SCARB1: variants seen among roughly 807,000 people sequenced by gnomAD.
The protein encoded by SCARB1 is scavenger receptor class B member 1.
A neutral mutation model predicts 57.2 loss-of-function variants in SCARB1; 30 were observed. The ratio of observed to expected loss-of-function variants is 0.52; its 90% confidence interval spans 0.39 to 0.71. The LOEUF is 0.71. Among genes scored for constraint, SCARB1 ranks in the 30% least tolerant of loss-of-function variants. The pLI is 0.00. For synonymous variants in SCARB1, 249 were observed against 268.3 expected (o/e 0.93, Z 0.70); for missense variants, 543 against 671.2 (o/e 0.81, Z 2.11).
In SCARB1 at chr12:124,863,595, CT is replaced by C; in HGVS notation, c.125del (p.Lys42ArgfsTer32). On this transcript the variant is annotated frameshift_variant and splice_region_variant, in exon 1 of 13. Transcript: ENST00000261693. LOFTEE classifies it high-confidence loss of function. Reference protein sequence around the residue: ...VPSLIKQQVLKNVRIDPSSLS... With the variant: ...VPSLIKQQVLXNVRIDPSSLS... ...ACCCCCTGGGGTCTCCCTCACCCAC[CT>C]TAAGGACCTGCTGCTTGATGAGCGA... 1 of 1,603,176 alleles carries C rather than the reference CT, an allele frequency of 6.2e-7. No individual in the cohort carries two copies.
In SCARB1 at chr12:124,817,837, G is replaced by A. The variant is rs1950804388; in HGVS notation, c.127-130C>T. The A allele has an allele frequency of 1.0e-6, 1 of 975,964 alleles. No individual in the cohort carries two copies. Among genetic ancestry groups the A allele is most frequent in the Admixed American group, 1.7e-5 (1 of 58,130 alleles). 60.5% of individuals were successfully genotyped at this position (975,964 alleles called of 1,614,324 possible). A position where few individuals can be genotyped will look rare whatever the true frequency, so the allele number is the denominator to read the frequency against. On this transcript the variant is annotated intron_variant, in intron 1 of 12. Coordinates refer to ENST00000261693, the MANE Select transcript of SCARB1 (RefSeq NM_005505.5). This position sits in a 1 kb window ranked among gnomAD's most constrained non-coding sequence, Gnocchi z 4.8. ...CCTCGGCGGGAGCTTGGGATAGGAGGTGGTGGGAAAGCCCTTCGCACATGA... is the reference window on the plus strand; with the variant it reads ...CCTCGGCGGGAGCTTGGGATAGGAGATGGTGGGAAAGCCCTTCGCACATGA...
chr12:124,809,599 C>T (rs1302316584), intron 6 of SCARB1, among the ~76,000 whole-genome samples: 1 of 152,190 alleles, frequency 6.6e-6, no homozygotes, highest in Non-Finnish European at 1.5e-5. Flanking sequence ...GGGCACCTGG[C>T]ACACAGTAGG....
At chr12:124,794,156 G>A (rs1949840450) in intron 9 of SCARB1, among the ~76,000 whole-genome samples, 1 of 152,190 alleles carries the variant, frequency 6.6e-6, no homozygotes, top group African/African-American at 2.4e-5. Flanking sequence ...AGGGAAGTGA[G>A]TGTTAATGAG....
intron 9 of SCARB1, 124 bp from the exon 10 acceptor site, chr12:124,787,581 CA>C: frequency 1.3e-6 from 1 of 786,094 alleles, no homozygotes; most frequent in Non-Finnish European, 2.1e-6. Flanking sequence ...CCCTCACCAC[CA>C]AATATAAACA....
intron 12 of SCARB1, among the ~76,000 whole-genome samples, chr12:124,781,234 C>T (rs540143586): frequency 4.6e-5 from 7 of 152,340 alleles, no homozygotes; most frequent in African/African-American, 1.7e-4. Context: ...TTTTTCATCT[C>T]CTTGTCCAGC....
intron 1 of SCARB1, among the ~76,000 whole-genome samples, chr12:124,854,424 G>T (rs1194415936): frequency 2.0e-5 from 3 of 152,212 alleles, no homozygotes; most frequent in African/African-American, 4.8e-5. Context: ...TAGGGGACGG[G>T]TCTGGCCATG....
chr12:124,810,214 G>T lies in SCARB1; in HGVS notation c.802C>A (p.Pro268Thr). 1 of 1,614,132 alleles carries T rather than the reference G, an allele frequency of 6.2e-7. No homozygotes were observed. Among genetic ancestry groups the T allele is most frequent in the Non-Finnish European group, 8.5e-7 (1 of 1,179,960 alleles). ...SGQMWPPFMT[P>T]ESSLEFYSPE... ...CTGTAGAACTCCAGCGAGGACTCAG[G>T]AGTCATGAAGGGCGGCCACATTTGC... The change falls in exon 6 of 13, where the codon CCT becomes ACT. Residue 268 changes from proline (P) to threonine (T), a missense_variant. By Grantham distance (38) the Pro-to-Thr change is conservative. Coordinates refer to ENST00000261693, the MANE Select transcript of SCARB1 (RefSeq NM_005505.5). The surrounding 1 kb of genome is among the most constrained non-coding windows in gnomAD (Gnocchi z 4.0).
Position 124,820,857 on chromosome 12 carries a change from C to T in SCARB1, c.127-3150G>A, listed in dbSNP as rs565162791. Among the ~76,000 whole-genome samples the T allele has an allele frequency of 1.2e-4, 18 of 152,298 alleles. No homozygotes were observed. In the East Asian group the frequency reaches 3.1e-3, roughly 26 times the overall value. On this transcript the variant is annotated intron_variant, in intron 1 of 12. Transcript: ENST00000261693. The stretch of plus-strand genomic sequence containing the variant: ...ACCTGGATCTCAGGGGCGGGTTTCC[C>T]GGTGTGCACACACCAGCCCATCAAA...
intron 1 of SCARB1, among the ~76,000 whole-genome samples, chr12:124,846,764 A>T (rs1952175025): frequency 7.0e-6 from 1 of 142,320 alleles, no homozygotes. Flanking sequence ...AAAAAGACAG[A>T]TGAACTGTGA....
intron 1 of SCARB1, among the ~76,000 whole-genome samples, chr12:124,855,900 G>A (rs1952604174): frequency 6.6e-6 from 1 of 152,200 alleles, no homozygotes; most frequent in South Asian, 2.1e-4. Flanking sequence ...TCGCCACTGG[G>A]GCCAAGACTC....
intron 1 of SCARB1, among the ~76,000 whole-genome samples, chr12:124,858,847 C>G (rs1249102992): frequency 5.9e-5 from 9 of 151,754 alleles, no homozygotes; most frequent in African/African-American, 1.9e-4. Context: ...CCACTGCACT[C>G]CAGCCTGGGC....
In SCARB1 at chr12:124,793,546, A is replaced by G. The variant is rs186271761; in HGVS notation, c.1202+1649T>C. On this transcript the variant is annotated intron_variant, in intron 9 of 12. Coordinates refer to ENST00000261693, the MANE Select transcript of SCARB1 (RefSeq NM_005505.5). Reference sequence around the variant, plus strand: ...GTATCTACTAAAAATACAAAAAATTAGCCGGGCACGGTGGCGGGCGCCTGT... The same window carrying G: ...GTATCTACTAAAAATACAAAAAATTGGCCGGGCACGGTGGCGGGCGCCTGT... Among the ~76,000 whole-genome samples the G allele has an allele frequency of 6.0e-3, 913 of 152,052 alleles. 9 individuals are homozygous for G. The highest frequency in any genetic ancestry group is 0.021 in the African/African-American group (890 of 41,466).
intron 4 of SCARB1, 34 bp from the exon 5 acceptor site, chr12:124,811,999 T>C: frequency 6.5e-7 from 1 of 1,544,118 alleles, no homozygotes; most frequent in South Asian, 1.2e-5. Flanking sequence ...ATCGTAAGGC[T>C]TAGGCCTGCC....
At chr12:124,832,275 T>C (rs372574178) in intron 1 of SCARB1, among the ~76,000 whole-genome samples, 21 of 152,184 alleles carry the variant, frequency 1.4e-4, no homozygotes, top group Non-Finnish European at 2.5e-4. Context: ...ATCCTAGCAC[T>C]TTGGGAGGCC....
chr12:124,861,355 G>A (rs1280135413), intron 1 of SCARB1, among the ~76,000 whole-genome samples: 1 of 151,890 alleles, frequency 6.6e-6, no homozygotes, highest in African/African-American at 2.4e-5. Context: ...TAGTTGTATT[G>A]TTATTTTGGG....
At chr12:124,843,831 A>C (rs573615315) in intron 1 of SCARB1, among the ~76,000 whole-genome samples, 1 of 152,230 alleles carries the variant, frequency 6.6e-6, no homozygotes, top group Admixed American at 6.5e-5. Context: ...GGACTTATGA[A>C]AGGAAGAAGA....
intron 2 of SCARB1, among the ~76,000 whole-genome samples, chr12:124,816,794 G>T (rs971717286): frequency 1.3e-5 from 2 of 152,050 alleles, no homozygotes; most frequent in Non-Finnish European, 2.9e-5. Flanking sequence ...CCCATGAAGG[G>T]GCTCTTGTGT....
intron 7 of SCARB1, among the ~76,000 whole-genome samples, chr12:124,804,733 C>A (rs981557144): frequency 2.6e-5 from 4 of 152,252 alleles, no homozygotes; most frequent in Non-Finnish European, 5.9e-5. Context: ...AGCATCCAAT[C>A]TGTTGACAGC....
chr12:124,779,873 C>A (rs563495795), intron 12 of SCARB1, among the ~76,000 whole-genome samples: 35 of 152,278 alleles, frequency 2.3e-4, no homozygotes, highest in Non-Finnish European at 3.2e-4. Flanking sequence ...CTGCACTGAG[C>A]CAGGCGCGGG....
Sources: gnomAD v4.1 joint callset for allele counts (sites outside exome capture counted in the v4.1 genomes callset) on GRCh38, gnomAD v4.1.1 for gene constraint, Gnocchi (gnomAD v3.1) non-coding constraint, MANE v1.5 for transcripts, NCBI Gene and HGNC (gene_info 2026-07-23, HGNC 2026-07-21) for gene names.